Variants in PCSK5 observed in about 807,000 individuals in gnomAD.
The protein encoded by PCSK5 is proprotein convertase subtilisin/kexin type 5.
PCSK5 carries 129 observed loss-of-function variants against 233.2 expected under a neutral mutation model. That is an observed-to-expected ratio of 0.55 (90% CI 0.48 to 0.64). The LOEUF is 0.64. PCSK5 is among the 30% of genes least tolerant of loss of function. The pLI, the probability that PCSK5 is intolerant of heterozygous loss-of-function variation, is 0.00. For missense variants in PCSK5, 2,076 were observed against 2,430.1 expected (o/e 0.85, Z 3.06); for synonymous variants, 825 against 879.2 (o/e 0.94, Z 1.09).
chr9:75,960,735 A>G (rs1324902210), intron 2 of PCSK5, among the ~76,000 whole-genome samples: 2 of 152,200 alleles, frequency 1.3e-5, no homozygotes, highest in Admixed American at 1.3e-4. Flanking sequence ...ACTTATTAAC[A>G]TTCGACAGCT....
intron 7 of PCSK5, among the ~76,000 whole-genome samples, chr9:76,086,615 T>A (rs567327213): frequency 6.6e-6 from 1 of 152,336 alleles, no homozygotes; most frequent in Admixed American, 6.5e-5. Context: ...GGTTGTTTTA[T>A]TTTGTTTTTT....
intron 24 of PCSK5, among the ~76,000 whole-genome samples, chr9:76,275,159 TA>T (rs1827650880): frequency 6.6e-6 from 1 of 152,150 alleles, no homozygotes; most frequent in Admixed American, 6.6e-5. Flanking sequence ...TGGGAGGAGA[TA>T]AAATTTTAAC....
chr9:76,110,704 A>C (rs76754104), intron 9 of PCSK5, among the ~76,000 whole-genome samples: 1 of 152,222 alleles, frequency 6.6e-6, no homozygotes, highest in Admixed American at 6.5e-5. Context: ...TCAAAAAAAA[A>C]GGTTGTGGGG....
chr9:76,227,096 T>G (rs10869739), intron 20 of PCSK5, among the ~76,000 whole-genome samples: 145,322 of 152,156 alleles, frequency 0.96, 69,440 homozygotes, highest in East Asian at 1. Flanking sequence ...ATCTAGGTGG[T>G]TCCTGCTCAT....
At chr9:76,049,336 G>A (rs183983297) in intron 5 of PCSK5, among the ~76,000 whole-genome samples, 119 of 152,270 alleles carry the variant, frequency 7.8e-4, no homozygotes, top group Non-Finnish European at 1.3e-3. Context: ...TAAATTATAC[G>A]TTTTGAAGGG....
intron 24 of PCSK5, among the ~76,000 whole-genome samples, chr9:76,257,837 ACT>A (rs991244273): frequency 3.6e-4 from 55 of 152,176 alleles, no homozygotes; most frequent in Admixed American, 1.4e-3. Context: ...GTCAATCAAA[ACT>A]TTTTTCCTCG....
chr9:76,237,830 T>A (rs1826298470), intron 22 of PCSK5, among the ~76,000 whole-genome samples: 1 of 152,150 alleles, frequency 6.6e-6, no homozygotes, highest in Non-Finnish European at 1.5e-5. Flanking sequence ...AATATTATGA[T>A]AAATGATGTG....
intron 20 of PCSK5, chr9:76,194,978 A>G (rs1038002898): frequency 5.7e-6 from 1 of 175,272 alleles, no homozygotes; most frequent in Non-Finnish European, 1.2e-5. Flanking sequence ...CAAGCTAGGA[A>G]AAAGCCTGCC....
chr9:75,903,611 T>TTA (rs940508461), intron 1 of PCSK5, among the ~76,000 whole-genome samples: 63 of 139,770 alleles, frequency 4.5e-4, no homozygotes, highest in South Asian at 2.4e-3. Context: ...TATATATATA[T>TTA]TATATATATA....
At chr9:76,273,564 AATATATATATACAT>A (rs1361249077) in intron 24 of PCSK5, among the ~76,000 whole-genome samples, 10 of 74,860 alleles carry the variant, frequency 1.3e-4, no homozygotes, top group Non-Finnish European at 1.8e-4. Context: ...ACAAAATAGT[AATATATATATACAT>A]ATATATATAT....
intron 24 of PCSK5, among the ~76,000 whole-genome samples, chr9:76,281,851 G>T (rs11507273): frequency 6.6e-6 from 1 of 151,928 alleles, no homozygotes; most frequent in East Asian, 1.9e-4. Context: ...GTTTTGCCAC[G>T]TTGCCCAGGC....
At chr9:76,016,384 G>A (rs1827950395) in intron 3 of PCSK5, among the ~76,000 whole-genome samples, 1 of 152,220 alleles carries the variant, frequency 6.6e-6, no homozygotes, top group Non-Finnish European at 1.5e-5. Flanking sequence ...AATGTAGTAA[G>A]TGAGAAGGAG....
intron 37 of PCSK5, among the ~76,000 whole-genome samples, chr9:76,356,656 G>A (rs373052130): frequency 4.9e-4 from 74 of 152,136 alleles, no homozygotes; most frequent in African/African-American, 1.7e-3. Context: ...GAAGAAACTC[G>A]GCTTGATAGG....
intron 24 of PCSK5, among the ~76,000 whole-genome samples, chr9:76,247,150 C>CCAGA (rs1826635105): frequency 6.6e-6 from 1 of 152,172 alleles, no homozygotes; most frequent in African/African-American, 2.4e-5. Context: ...CAATGGGCAC[C>CCAGA]TCGCTGGATC....
At chr9:76,259,165 C>T (rs1292430195) in intron 24 of PCSK5, among the ~76,000 whole-genome samples, 1 of 152,154 alleles carries the variant, frequency 6.6e-6, no homozygotes, top group African/African-American at 2.4e-5. Flanking sequence ...CAGATGTGTA[C>T]TTTTTTCAAA....
chr9:76,063,339 T>C lies in PCSK5; in HGVS notation c.633-4616T>C, dbSNP rs866304741. On this transcript the variant is annotated intron_variant, in intron 5 of 37. Transcript: ENST00000674117. ...TTTTTCTTTTTTTTTTTTTTTTTTT[T>C]TTTTTTTTTATTGATAATTCTTGGG... Among the ~76,000 whole-genome samples, 1,121 of 138,856 alleles carry C rather than the reference T, an allele frequency of 8.1e-3. 21 individuals are homozygous for C. The highest frequency in any genetic ancestry group is 0.028 in the African/African-American group (1,055 of 37,218). The allele number at this position is 138,856 out of a possible 152,430, so 91.1% of individuals were successfully genotyped here.
chr9:76,116,270 G>A (rs1832420210), intron 9 of PCSK5, among the ~76,000 whole-genome samples: 1 of 152,072 alleles, frequency 6.6e-6, no homozygotes, highest in Non-Finnish European at 1.5e-5. Flanking sequence ...AATAGAACAT[G>A]TAACACAAAA....
At chr9:76,304,293 T>A (rs543031009) in intron 28 of PCSK5, among the ~76,000 whole-genome samples, 1 of 152,368 alleles carries the variant, frequency 6.6e-6, no homozygotes, top group East Asian at 1.9e-4. Context: ...TATCCGCATA[T>A]CTGTGTCTAT....
rs183606985 is a variant in PCSK5, at chr9:76,239,179, T to C, written c.3073+14T>C. On this transcript the variant is annotated intron_variant, in intron 23 of 37. Coordinates refer to ENST00000674117, the MANE Select transcript of PCSK5 (RefSeq NM_001372043.1). ...AGTGTGGACAAGGTAAGCCTGCTCC[T>C]GGGCCCTTGCCCAGCACCCGAACAT... 4 of 1,558,898 alleles carry C rather than the reference T, an allele frequency of 2.6e-6. No individual in the cohort carries two copies. In the East Asian group the frequency reaches 9.6e-5, roughly 37 times the overall value.
Sources: gnomAD v4.1 joint callset for allele counts (sites outside exome capture counted in the v4.1 genomes callset) on GRCh38, gnomAD v4.1.1 for gene constraint, MANE v1.5 for transcripts, NCBI Gene and HGNC (gene_info 2026-07-23, HGNC 2026-07-21) for gene names.